GRIA4: variants seen among roughly 807,000 people sequenced by gnomAD.
GRIA4 encodes glutamate ionotropic receptor AMPA type subunit 4, also known as glutamate receptor 4.
GRIA4 carries 34 observed loss-of-function variants against 104.0 expected under a neutral mutation model. The ratio of observed to expected loss-of-function variants is 0.33; its 90% CI spans 0.25 to 0.44. The LOEUF (loss-of-function observed/expected upper bound fraction) is 0.44, where lower values mean the gene tolerates loss of function less well. GRIA4 is among the 20% of genes least tolerant of loss of function. The pLI is 1.00. For synonymous variants in GRIA4, 386 were observed against 381.9 expected (o/e 1.01, Z -0.13); for missense variants, 750 against 1,096.5 (o/e 0.68, Z 4.46).
chr11:105,706,134 C>G (rs750348229), intron 3 of GRIA4, among the ~76,000 whole-genome samples: 1 of 152,024 alleles, frequency 6.6e-6, no homozygotes, highest in Non-Finnish European at 1.5e-5. Context: ...GAAAAAAAGC[C>G]AAGTGTAATG....
chr11:105,632,123 G>C (rs1951049332), intron 3 of GRIA4, among the ~76,000 whole-genome samples: 1 of 152,184 alleles, frequency 6.6e-6, no homozygotes, highest in African/African-American at 2.4e-5. Flanking sequence ...TTGGACAGGG[G>C]ATTGATAATT....
chr11:105,833,979 T>C (rs1944082648), intron 4 of GRIA4, among the ~76,000 whole-genome samples: 2 of 152,088 alleles, frequency 1.3e-5, no homozygotes, highest in Non-Finnish European at 2.9e-5. Context: ...TTCCAGAATA[T>C]TTTATTTTAA....
chr11:105,796,620 G>T (rs984129719), intron 4 of GRIA4, among the ~76,000 whole-genome samples: 2 of 152,146 alleles, frequency 1.3e-5, no homozygotes, highest in African/African-American at 4.8e-5. Context: ...TAGACCATAG[G>T]TAGTGAGTAG....
At chr11:105,634,320 T>G (rs1174465126) in intron 3 of GRIA4, among the ~76,000 whole-genome samples, 1 of 131,422 alleles carries the variant, frequency 7.6e-6, no homozygotes, top group Non-Finnish European at 1.5e-5. Context: ...GCCTTTGCAC[T>G]CCAGCCTGGA....
chr11:105,652,879 A>T (rs1951722204), intron 3 of GRIA4, among the ~76,000 whole-genome samples: 2 of 152,076 alleles, frequency 1.3e-5, no homozygotes, highest in Non-Finnish European at 2.9e-5. Context: ...TCTAGATCTT[A>T]GGAACCTCGG....
At chr11:105,723,514 A>C (rs1463880153) in intron 3 of GRIA4, among the ~76,000 whole-genome samples, 1 of 152,120 alleles carries the variant, frequency 6.6e-6, no homozygotes, top group African/African-American at 2.4e-5. Flanking sequence ...TTGGAGAGTT[A>C]GGATGTCTAA....
chr11:105,617,868 C>T (rs78598571), intron 3 of GRIA4, among the ~76,000 whole-genome samples: 2 of 151,982 alleles, frequency 1.3e-5, no homozygotes, highest in South Asian at 2.1e-4. Flanking sequence ...GTAATGATTA[C>T]AGTACAATGT....
At chr11:105,828,139 C>A (rs1356395899) in intron 4 of GRIA4, among the ~76,000 whole-genome samples, 1 of 151,992 alleles carries the variant, frequency 6.6e-6, no homozygotes, top group Non-Finnish European at 1.5e-5. Flanking sequence ...TCAGTTTAGT[C>A]ATTTTTAAAT....
At chr11:105,688,716 T>C (rs1466355673) in intron 3 of GRIA4, among the ~76,000 whole-genome samples, 1 of 152,220 alleles carries the variant, frequency 6.6e-6, no homozygotes, top group African/African-American at 2.4e-5. Flanking sequence ...ATAGTTTTCA[T>C]GGTGCGTACA....
rs986429010 is a variant in GRIA4, at chr11:105,980,459, G to A, written c.*720G>A. 28 of 152,630 alleles carry A rather than the reference G, an allele frequency of 1.8e-4. No homozygotes were observed. 9.5% of individuals were successfully genotyped at this position (152,630 alleles called of 1,614,324 possible). A position where few individuals can be genotyped will look rare whatever the true frequency, so the allele number is the denominator to read the frequency against. ...TTAGAGACTTTTTTTTATAAAAGTTGTTGGTCATCTTCTTGTTTGCTGTAA... is the reference window on the plus strand; with the variant it reads ...TTAGAGACTTTTTTTTATAAAAGTTATTGGTCATCTTCTTGTTTGCTGTAA... On this transcript the variant is annotated 3_prime_UTR_variant, in exon 17 of 17. Coordinates refer to ENST00000282499, the MANE Select transcript of GRIA4 (RefSeq NM_000829.4).
chr11:105,963,629 T>C (rs1166249535), intron 14 of GRIA4, among the ~76,000 whole-genome samples: 7 of 152,152 alleles, frequency 4.6e-5, no homozygotes, highest in Admixed American at 4.6e-4. Context: ...TGGTCCAGTG[T>C]ATAAAATTAC....
chr11:105,747,335 C>T (rs970421192), intron 3 of GRIA4, among the ~76,000 whole-genome samples: 33 of 152,254 alleles, frequency 2.2e-4, no homozygotes, highest in Admixed American at 2.2e-3. Context: ...TGACAATCCA[C>T]TTTAAATACG....
chr11:105,935,898 A>G (rs1377993398), intron 14 of GRIA4, among the ~76,000 whole-genome samples: 1 of 152,156 alleles, frequency 6.6e-6, no homozygotes, highest in Non-Finnish European at 1.5e-5. Flanking sequence ...ATAATCACCC[A>G]TTGGCTTCCC....
intron 5 of GRIA4, among the ~76,000 whole-genome samples, chr11:105,885,375 A>T (rs764693622): frequency 6.6e-6 from 1 of 152,218 alleles, no homozygotes; most frequent in Non-Finnish European, 1.5e-5. Context: ...ATTCTCAAGG[A>T]AAGTTCTATT....
At chr11:105,724,403 A>G (rs1464260134) in intron 3 of GRIA4, among the ~76,000 whole-genome samples, 1 of 25,084 alleles carries the variant, frequency 4.0e-5, no homozygotes, top group Non-Finnish European at 6.8e-5. Flanking sequence ...ACACATATAT[A>G]TATGTGCACA....
chr11:105,629,748 T>C (rs1950984162), intron 3 of GRIA4, among the ~76,000 whole-genome samples: 1 of 152,320 alleles, frequency 6.6e-6, no homozygotes, highest in East Asian at 1.9e-4. Context: ...ACAGATAAAC[T>C]AAGGGAATCT....
At chr11:105,850,229 T>C (rs553553208) in intron 4 of GRIA4, among the ~76,000 whole-genome samples, 47 of 152,344 alleles carry the variant, frequency 3.1e-4, no homozygotes, top group Admixed American at 5.2e-4. Flanking sequence ...GTTACAGTTA[T>C]ATAAGTTATT....
intron 4 of GRIA4, among the ~76,000 whole-genome samples, chr11:105,851,876 T>C (rs573070591): frequency 1.3e-5 from 2 of 152,334 alleles, no homozygotes; most frequent in East Asian, 3.9e-4. Flanking sequence ...ATTTGTGTAT[T>C]ACTTCTTGTC....
chr11:105,850,104 A>G (rs923908378), intron 4 of GRIA4, among the ~76,000 whole-genome samples: 1 of 152,178 alleles, frequency 6.6e-6, no homozygotes. Context: ...ACACGGTACC[A>G]TTGTGAAAAA....
Sources: gnomAD v4.1 joint callset for allele counts (sites outside exome capture counted in the v4.1 genomes callset) on GRCh38, gnomAD v4.1.1 for gene constraint, MANE v1.5 for transcripts, NCBI Gene and HGNC (gene_info 2026-07-23, HGNC 2026-07-21) for gene names.